The following DCLK3 variants were observed in gnomAD, a reference collection of about 807,000 sequenced individuals.
DCLK3 encodes doublecortin like kinase 3, also known as serine/threonine-protein kinase DCLK3.
DCLK3 carries 30 observed loss-of-function variants against 46.4 expected under a neutral mutation model. The observed-to-expected ratio is 0.65, with a 90% CI of 0.48 to 0.88. DCLK3 has a LOEUF of 0.88. Among genes scored for constraint, DCLK3 ranks in the 40% least tolerant of loss-of-function variants. The probability of loss-of-function intolerance (pLI) is 0.00; values close to 1 mark genes in which losing one functional copy is unlikely to be tolerated. For missense variants in DCLK3, 846 were observed against 907.1 expected (o/e 0.93, Z 0.87); for synonymous variants, 401 against 339.2 (o/e 1.18, Z -2.00).
intron 4 of DCLK3, among the ~76,000 whole-genome samples, chr3:36,717,706 C>T (rs1320722957): frequency 6.6e-6 from 1 of 152,134 alleles, no homozygotes; most frequent in African/African-American, 2.4e-5. Flanking sequence ...TATAAGATGG[C>T]CTTTCTCTTT....
chr3:36,751,391 G>C (rs143809271), intron 1 of DCLK3, among the ~76,000 whole-genome samples: 178 of 152,330 alleles, frequency 1.2e-3, no homozygotes, highest in South Asian at 3.9e-3. Context: ...CAGGATAGCT[G>C]TAAAGATTGT....
At chr3:36,716,474 CA>C (rs60606774) in intron 4 of DCLK3, among the ~76,000 whole-genome samples, 3,114 of 152,300 alleles carry the variant, frequency 0.02, 97 homozygotes, top group African/African-American at 0.068. Flanking sequence ...ACCACTGCCA[CA>C]TCACTCCCTC....
chr3:36,733,490 T>C (rs1017972860), intron 2 of DCLK3, among the ~76,000 whole-genome samples: 1 of 152,216 alleles, frequency 6.6e-6, no homozygotes, highest in African/African-American at 2.4e-5. Flanking sequence ...CAGCTATAAA[T>C]AACCTGGCCT....
chr3:36,749,816 A>G (rs1408012221), intron 1 of DCLK3, among the ~76,000 whole-genome samples: 1 of 152,286 alleles, frequency 6.6e-6, no homozygotes, highest in Admixed American at 6.5e-5. Flanking sequence ...ATGGCAAGCC[A>G]GTAAAATAAT....
rs1311322736 is a variant in DCLK3, at chr3:36,764,264, G to C, written c.-1C>G. ...GCGGGGCTGGAGTGGCGGCGGGCAT[G>C]GCGCGGCGGCGGGCTCGGGGAGAGC... is the stretch of plus-strand genomic sequence containing the variant. On this transcript the variant is annotated 5_prime_UTR_variant, in exon 1 of 5. Transcript: ENST00000636136. This position sits in a 1 kb window ranked among gnomAD's most constrained non-coding sequence, Gnocchi z 4.9. The C allele has an allele frequency of 6.0e-5, 15 of 250,238 alleles. No homozygotes were observed. The highest frequency in any genetic ancestry group is 1.1e-4 in the African/African-American group (5 of 43,636). 15.5% of individuals were successfully genotyped at this position (250,238 alleles called of 1,614,324 possible).
chr3:36,730,011 T>C lies in DCLK3; in HGVS notation c.1959+7197A>G, dbSNP rs1701179195. Among the ~76,000 whole-genome samples, 3 of 152,204 alleles carry C rather than the reference T, an allele frequency of 2.0e-5. No homozygotes were observed. The South Asian group carries it at 6.2e-4, about 32-fold the overall frequency. On this transcript the variant is annotated intron_variant, in intron 2 of 4. Coordinates refer to ENST00000636136, the MANE Select transcript of DCLK3 (RefSeq NM_001394672.2). ...ACACAACATGGCGAAACCTCATCTC[T>C]ACAAAAAATACCAAAATATTAGCCA...
intron 3 of DCLK3, 104 bp from the exon 4 acceptor site, chr3:36,718,281 T>C: frequency 6.6e-7 from 1 of 1,517,350 alleles, no homozygotes; most frequent in Non-Finnish European, 9.0e-7. Context: ...ATCTAAGTCA[T>C]AGAGGATCCC....
chr3:36,755,231 G>A (rs541676675), intron 1 of DCLK3, among the ~76,000 whole-genome samples: 1 of 152,238 alleles, frequency 6.6e-6, no homozygotes, highest in Admixed American at 6.5e-5. Flanking sequence ...GTAATTTGTA[G>A]GTTTTGTGCA....
chr3:36,718,758 C>A (rs538947833), intron 3 of DCLK3, among the ~76,000 whole-genome samples: 5 of 152,092 alleles, frequency 3.3e-5, no homozygotes, highest in Non-Finnish European at 5.9e-5. Flanking sequence ...CATTTACTGG[C>A]TTTTTAAATG....
chr3:36,761,935 C>A (rs1701543944), intron 1 of DCLK3, among the ~76,000 whole-genome samples: 1 of 152,130 alleles, frequency 6.6e-6, no homozygotes, highest in Non-Finnish European at 1.5e-5. Flanking sequence ...ACCAAAACAT[C>A]TGCCTGAAAT....
In DCLK3 at chr3:36,738,029, T is replaced by C. The variant is rs780586769; in HGVS notation, c.1138A>G (p.Thr380Ala). Residue 380 changes from threonine to alanine, a missense_variant, in exon 2 of 5, where the codon ACT becomes GCT. Coordinates refer to ENST00000636136, the MANE Select transcript of DCLK3 (RefSeq NM_001394672.2). ...TTGCTGGGTCTCCTCAGCTCTTGAG[T>C]GGGATTCCTGGGGCTGCTCCTGTGG... is the stretch of plus-strand genomic sequence containing the variant. The part of the protein sequence containing the change: ...DSHRSSPRNP[T>A]QELRRPSKSM... 14 of 1,614,006 alleles carry C rather than the reference T, an allele frequency of 8.7e-6. No homozygotes were observed. The African/African-American group carries it at 1.7e-4, about 20-fold the overall frequency.
intron 1 of DCLK3, among the ~76,000 whole-genome samples, chr3:36,758,862 C>G (rs914608520): frequency 6.6e-6 from 1 of 152,134 alleles, no homozygotes; most frequent in African/African-American, 2.4e-5. Context: ...CACTGCACAC[C>G]AAATTCATAA....
At chr3:36,718,797 G>C (rs1440369398) in intron 3 of DCLK3, among the ~76,000 whole-genome samples, 1 of 151,974 alleles carries the variant, frequency 6.6e-6, no homozygotes, top group Non-Finnish European at 1.5e-5. Flanking sequence ...TTTACTAGCT[G>C]TATCCCCATG....
intron 2 of DCLK3, among the ~76,000 whole-genome samples, chr3:36,728,713 A>G (rs944439597): frequency 3.3e-5 from 5 of 152,148 alleles, no homozygotes; most frequent in African/African-American, 1.2e-4. Context: ...GGGACTCCTC[A>G]GTCTCCATAA....
chr3:36,738,371 T>C lies in DCLK3; in HGVS notation c.796A>G (p.Arg266Gly). 6.7e-7 allele frequency: 1 copy of C among 1,496,002 alleles called. No homozygotes were observed. The highest frequency in any genetic ancestry group is 8.9e-7 in the Non-Finnish European group (1 of 1,125,528). 92.7% of individuals were successfully genotyped at this position (1,496,002 alleles called of 1,614,324 possible). A position where few individuals can be genotyped will look rare whatever the true frequency, so the allele number is the denominator to read the frequency against. The change falls in exon 2 of 5, where the codon AGG becomes GGG. Residue 266 changes from arginine to glycine, a missense_variant. This residue lies in a region of DCLK3 where 553 missense variants were observed against 543.0 expected (regional missense o/e 1.02). Coordinates refer to ENST00000636136, the MANE Select transcript of DCLK3 (RefSeq NM_001394672.2). The part of the protein sequence containing the change: ...DRARTQKKWG[R>G]GKWEPEPSSK... Reference sequence around the variant, plus strand: ...CTGGGTTCTGGCTCCCATTTCCCCCTCCCCCACTTCTTCTGGGTCCTCGCT... The same window carrying C: ...CTGGGTTCTGGCTCCCATTTCCCCCCCCCCCACTTCTTCTGGGTCCTCGCT...
At chr3:36,715,754 A>G (rs1219000300) in intron 4 of DCLK3, among the ~76,000 whole-genome samples, 3 of 152,232 alleles carry the variant, frequency 2.0e-5, no homozygotes, top group Non-Finnish European at 1.5e-5. Context: ...GAGGAAGTGA[A>G]TATTTATATG....
chr3:36,747,941 G>A (rs1283798877), intron 1 of DCLK3, among the ~76,000 whole-genome samples: 1 of 152,248 alleles, frequency 6.6e-6, no homozygotes, highest in African/African-American at 2.4e-5. Context: ...GAAATGCACT[G>A]CCATAGAATA....
chr3:36,717,657 A>G (rs1468255018), intron 4 of DCLK3, among the ~76,000 whole-genome samples: 1 of 152,210 alleles, frequency 6.6e-6, no homozygotes, highest in African/African-American at 2.4e-5. Flanking sequence ...TGTGTAAAAT[A>G]AGCATTTTCA....
intron 1 of DCLK3, among the ~76,000 whole-genome samples, chr3:36,753,541 C>T (rs1042743918): frequency 1.3e-5 from 2 of 152,178 alleles, no homozygotes; most frequent in African/African-American, 4.8e-5. Context: ...ATAAAGAGAA[C>T]CAAGAAGCCT....
Sources: gnomAD v4.1 joint callset for allele counts (sites outside exome capture counted in the v4.1 genomes callset) on GRCh38, gnomAD v4.1.1 for gene constraint, gnomAD v4.1.1 regional missense constraint, Gnocchi (gnomAD v3.1) non-coding constraint, MANE v1.5 for transcripts, NCBI Gene and HGNC (gene_info 2026-07-23, HGNC 2026-07-21) for gene names.